RFTN1: variants seen among roughly 807,000 people sequenced by gnomAD.
The protein encoded by RFTN1 is raftlin.
In RFTN1, 26 loss-of-function variants were observed where a neutral mutation model predicts 46.5. The observed-to-expected ratio is 0.56, with a 90% CI of 0.41 to 0.78. The LOEUF (loss-of-function observed/expected upper bound fraction) is 0.78, where lower values mean the gene tolerates loss of function less well. Among genes scored for constraint, RFTN1 ranks in the 30% least tolerant of loss-of-function variants. The probability of loss-of-function intolerance (pLI) is 0.00; values close to 1 mark genes in which losing one functional copy is unlikely to be tolerated. For missense variants in RFTN1, 693 were observed against 718.7 expected (o/e 0.96, Z 0.41); for synonymous variants, 261 against 284.2 (o/e 0.92, Z 0.82).
intron 6 of RFTN1, among the ~76,000 whole-genome samples, chr3:16,368,104 GATGGGCAATGTGGTGTCC>G (rs1409122640): frequency 6.6e-6 from 1 of 151,760 alleles, no homozygotes; most frequent in Non-Finnish European, 1.5e-5. Context: ...CACAACCCAA[GATGGGCAATGTGGTGTCC>G]CTGCAGGAAA....
chr3:16,460,827 G>A lies in RFTN1; in HGVS notation c.146-26790C>T, dbSNP rs1306826013. Among the ~76,000 whole-genome samples the A allele has an allele frequency of 6.6e-6, 1 of 152,202 alleles. No homozygotes were observed. Among genetic ancestry groups the A allele is most frequent in the Non-Finnish European group, 1.5e-5 (1 of 68,050 alleles). On this transcript the variant is annotated intron_variant, in intron 2 of 9. Transcript: ENST00000334133. This position sits in a 1 kb window ranked among gnomAD's most constrained non-coding sequence, Gnocchi z 4.8. The stretch of plus-strand genomic sequence containing the variant: ...TGAGACATGTGGCCACCACAGCTGT[G>A]AAGTGGCCCACTCTCTCCCACCTAC...
At chr3:16,454,904 C>T (rs1369325430) in intron 2 of RFTN1, 2 of 446,660 alleles carry the variant, frequency 4.5e-6, no homozygotes, top group Non-Finnish European at 5.9e-6. Flanking sequence ...CAAATGACTA[C>T]GTGATTGAAA....
chr3:16,493,686 C>T (rs756659111), intron 2 of RFTN1, 39 bp downstream of exon 2: 1 of 1,533,424 alleles, frequency 6.5e-7, no homozygotes. Flanking sequence ...CTGCTGGAGA[C>T]CCCACCTGCC....
intron 4 of RFTN1, among the ~76,000 whole-genome samples, chr3:16,394,220 T>TA (rs1456066946): frequency 1.3e-5 from 2 of 151,818 alleles, no homozygotes; most frequent in East Asian, 1.9e-4. Context: ...AAAAAAATCT[T>TA]AAAAAAATTA....
chr3:16,340,661 C>T (rs1405328431), intron 7 of RFTN1, among the ~76,000 whole-genome samples: 1 of 152,212 alleles, frequency 6.6e-6, no homozygotes, highest in Non-Finnish European at 1.5e-5. Context: ...TTCAAAGTTA[C>T]CTTGTCTTTA....
intron 3 of RFTN1, among the ~76,000 whole-genome samples, chr3:16,419,576 G>A (rs1232884875): frequency 6.6e-6 from 1 of 152,122 alleles, no homozygotes; most frequent in African/African-American, 2.4e-5. Context: ...CAGTACAATA[G>A]GGAAAAGGTT....
rs1039073237 is a variant in RFTN1, at chr3:16,475,216, T to C, written c.145+18509A>G. ...GAAGCAGATGCTGACGCCATGCTTC[T>C]TGTACAGCTGGTGGAATCATAATCC... On this transcript the variant is annotated intron_variant, in intron 2 of 9. Transcript: ENST00000334133. This position sits in a 1 kb window ranked among gnomAD's most constrained non-coding sequence, Gnocchi z 4.2. Among the ~76,000 whole-genome samples, 1 of 152,256 alleles carries C rather than the reference T, an allele frequency of 6.6e-6. No individual in the cohort carries two copies. Among genetic ancestry groups the C allele is most frequent in the African/African-American group, 2.4e-5 (1 of 41,476 alleles).
chr3:16,432,777 G>A (rs961375109), intron 3 of RFTN1, among the ~76,000 whole-genome samples: 2 of 152,152 alleles, frequency 1.3e-5, no homozygotes, highest in Admixed American at 6.5e-5. Context: ...TTCTGGGTTC[G>A]AGCAAAAACA....
At position 16,440,099 on chromosome 3, in the gene RFTN1, G is replaced by A. The variant is rs922639174; in HGVS notation, c.146-6062C>T. Among the ~76,000 whole-genome samples the A allele has an allele frequency of 6.6e-6, 1 of 152,144 alleles. No individual in the cohort carries two copies. The highest frequency in any genetic ancestry group is 1.5e-5 in the Non-Finnish European group (1 of 68,032). ...CACTGGTATGGCTGTCTTAGCCACC[G>A]TTACCTTCCAAAAAGAGAAAATGCC... On this transcript the variant is annotated intron_variant, in intron 2 of 9. Coordinates refer to ENST00000334133, the MANE Select transcript of RFTN1 (RefSeq NM_015150.2). The surrounding 1 kb of genome is among the most constrained non-coding windows in gnomAD (Gnocchi z 4.6).
rs1416750002 is a variant in RFTN1 at position 16,450,113 on chromosome 3, T to G, written c.146-16076A>C. 6.6e-6 allele frequency among the ~76,000 whole-genome samples: 1 copy of G among 152,150 alleles called. No homozygotes were observed. The highest frequency in any genetic ancestry group is 1.9e-4 in the East Asian group (1 of 5,196). On this transcript the variant is annotated intron_variant, in intron 2 of 9. Coordinates refer to ENST00000334133, the MANE Select transcript of RFTN1 (RefSeq NM_015150.2). This position sits in a 1 kb window ranked among gnomAD's most constrained non-coding sequence, Gnocchi z 4.6. ...TTAAATCCATCCCAATTTGTAAAATTAAATGTGCAAACAGAAAATATTTCT... is the reference window on the plus strand; with the variant it reads ...TTAAATCCATCCCAATTTGTAAAATGAAATGTGCAAACAGAAAATATTTCT...
At chr3:16,456,126 G>A (rs1001060581) in intron 2 of RFTN1, among the ~76,000 whole-genome samples, 18 of 152,040 alleles carry the variant, frequency 1.2e-4, no homozygotes, top group African/African-American at 4.1e-4. Context: ...GCTGATTAAG[G>A]GCACTTAATC....
Position 16,422,498 on chromosome 3 carries a change from G to A in RFTN1, c.332+11353C>T, listed in dbSNP as rs1388243802. On this transcript the variant is annotated intron_variant, in intron 3 of 9. Transcript: ENST00000334133. This position sits in a 1 kb window ranked among gnomAD's most constrained non-coding sequence, Gnocchi z 4.6. ...ACAAAAAAATTAGCTGGGCGTGGTG[G>A]CACGTGCCTGTAATCCCAGCTACTC... 6.6e-6 allele frequency among the ~76,000 whole-genome samples: 1 copy of A among 152,110 alleles called. No individual in the cohort carries two copies. Among genetic ancestry groups the A allele is most frequent in the East Asian group, 1.9e-4 (1 of 5,186 alleles).
At position 16,365,340 on chromosome 3, in the gene RFTN1, C is replaced by G. The variant is rs555236559; in HGVS notation, c.1030+4736G>C. Reference sequence around the variant, plus strand: ...GAGCATCATCCAGAACTATCATTAGCCACCTTCTGAATACAGCACTGTGAT... The same window carrying G: ...GAGCATCATCCAGAACTATCATTAGGCACCTTCTGAATACAGCACTGTGAT... On this transcript the variant is annotated intron_variant, in intron 6 of 9. Coordinates refer to ENST00000334133, the MANE Select transcript of RFTN1 (RefSeq NM_015150.2). Among the ~76,000 whole-genome samples the G allele has an allele frequency of 9.6e-5, 14 of 146,096 alleles. No individual in the cohort carries two copies. In the East Asian group the frequency reaches 1.6e-3, roughly 17 times the overall value.
chr3:16,431,040 A>C (rs2075375970), intron 3 of RFTN1, among the ~76,000 whole-genome samples: 1 of 152,200 alleles, frequency 6.6e-6, no homozygotes, highest in Admixed American at 6.5e-5. Context: ...CCCATCAGAT[A>C]ACTTAGAGTT....
chr3:16,501,995 A>C (rs1033123577), intron 1 of RFTN1, among the ~76,000 whole-genome samples: 3 of 152,258 alleles, frequency 2.0e-5, no homozygotes, highest in Non-Finnish European at 4.4e-5. Flanking sequence ...CATACTTTTG[A>C]AAAACTGGCA....
At chr3:16,432,468 A>T (rs1357661086) in intron 3 of RFTN1, among the ~76,000 whole-genome samples, 1 of 152,156 alleles carries the variant, frequency 6.6e-6, no homozygotes, top group Non-Finnish European at 1.5e-5. Context: ...CAGTGAGCTG[A>T]GATCATGCCA....
rs774784191 is a variant in RFTN1, at chr3:16,409,390, T to C, written c.426A>G (p.Pro142=). Reference sequence around the variant, plus strand: ...TAGCGCTCACCTTCTTAATGAACTCTGGGATGAGTTTCTGGTCTGTCGGGT... The same window carrying C: ...TAGCGCTCACCTTCTTAATGAACTCCGGGATGAGTTTCTGGTCTGTCGGGT... ...LDHPTDQKLI[P]EFIKKIQEAA... is the part of the protein sequence containing the mutation. The change falls in exon 4 of 10, where the codon CCA becomes CCG. Residue 142 remains proline, a synonymous_variant. Coordinates refer to ENST00000334133, the MANE Select transcript of RFTN1 (RefSeq NM_015150.2). 9 of 1,610,044 alleles carry C rather than the reference T, an allele frequency of 5.6e-6. No individual in the cohort carries two copies. In the Admixed American group the frequency reaches 1.5e-4, roughly 27 times the overall value.
chr3:16,498,755 G>T lies in RFTN1; in HGVS notation c.-8-4878C>A, dbSNP rs973257281. Among the ~76,000 whole-genome samples, 1 of 152,064 alleles carries T rather than the reference G, an allele frequency of 6.6e-6. No homozygotes were observed. Among genetic ancestry groups the T allele is most frequent in the East Asian group, 1.9e-4 (1 of 5,198 alleles). On this transcript the variant is annotated intron_variant, in intron 1 of 9. Coordinates refer to ENST00000334133, the MANE Select transcript of RFTN1 (RefSeq NM_015150.2). The surrounding 1 kb of genome is among the most constrained non-coding windows in gnomAD (Gnocchi z 5.2). ...GCCACACCGGCATTCCTTTCATTTC[G>T]CCCTGGATTCTTCCACCAACTCCCA...
At position 16,421,342 on chromosome 3, in the gene RFTN1, T is replaced by C. The variant is rs1300109995; in HGVS notation, c.333-11859A>G. ...GATCTGAACAGGTAGGCATTGGTAT[T>C]GGTGTTTTTTTTTTTTCTTTTCTTT... On this transcript the variant is annotated intron_variant, in intron 3 of 9. Coordinates refer to ENST00000334133, the MANE Select transcript of RFTN1 (RefSeq NM_015150.2). This position sits in a 1 kb window ranked among gnomAD's most constrained non-coding sequence, Gnocchi z 4.6. Among the ~76,000 whole-genome samples the C allele has an allele frequency of 6.8e-6, 1 of 148,112 alleles. No homozygotes were observed. The highest frequency in any genetic ancestry group is 2.4e-5 in the African/African-American group (1 of 40,986).
Sources: allele counts gnomAD v4.1 joint callset (sites outside exome capture counted in the v4.1 genomes callset), GRCh38; gene constraint gnomAD v4.1.1; non-coding constraint Gnocchi (gnomAD v3.1); transcripts MANE v1.5; gene names NCBI Gene and HGNC (gene_info 2026-07-23, HGNC 2026-07-21).